PDSS2: variants seen among roughly 807,000 people sequenced by gnomAD.
PDSS2 encodes all trans-polyprenyl-diphosphate synthase PDSS2.
Under a neutral mutation model 44.5 loss-of-function variants are expected in PDSS2, and 31 were observed. That is an observed-to-expected ratio of 0.70 (90% CI 0.52 to 0.94). The LOEUF is 0.94. Among genes scored for constraint, PDSS2 ranks in the 40% least tolerant of loss-of-function variants. The probability of loss-of-function intolerance (pLI) is 0.00; values close to 1 mark genes in which losing one functional copy is unlikely to be tolerated. For missense variants in PDSS2, 452 were observed against 482.2 expected (o/e 0.94, Z 0.59); for synonymous variants, 157 against 180.3 (o/e 0.87, Z 1.03).
intron 2 of PDSS2, among the ~76,000 whole-genome samples, chr6:107,306,055 G>A (rs1280977873): frequency 6.6e-6 from 1 of 152,170 alleles, no homozygotes; most frequent in African/African-American, 2.4e-5. Context: ...TACCCAAAGA[G>A]GACAAGTACC....
chr6:107,358,998 A>ATTCTCGCTC, intron 1 of PDSS2, among the ~76,000 whole-genome samples: 1 of 139,836 alleles, frequency 7.2e-6, no homozygotes, highest in Admixed American at 7.6e-5. Context: ...GAGCTTTAGC[A>ATTCTCGCTC]TTCTCGCTCT....
intron 1 of PDSS2, among the ~76,000 whole-genome samples, chr6:107,424,898 T>C (rs1200289944): frequency 6.6e-6 from 1 of 152,208 alleles, no homozygotes; most frequent in African/African-American, 2.4e-5. Context: ...TCATCTTGAA[T>C]TGTAATTCCC....
At chr6:107,289,420 G>A (rs1776272210) in intron 2 of PDSS2, among the ~76,000 whole-genome samples, 1 of 150,860 alleles carries the variant, frequency 6.6e-6, no homozygotes, top group Non-Finnish European at 1.5e-5. Context: ...GCCAGGTGCA[G>A]TGGCTCATGC....
chr6:107,350,575 G>A (rs1778401021), intron 1 of PDSS2, among the ~76,000 whole-genome samples: 1 of 152,198 alleles, frequency 6.6e-6, no homozygotes, highest in African/African-American at 2.4e-5. Flanking sequence ...ACTTTGGGAG[G>A]CTGAGGGAGA....
At chr6:107,401,782 A>G (rs1182861281) in intron 1 of PDSS2, among the ~76,000 whole-genome samples, 1 of 152,102 alleles carries the variant, frequency 6.6e-6, no homozygotes, top group Admixed American at 6.5e-5. Context: ...TAGACTAAGC[A>G]GGTGAAAGAA....
intron 2 of PDSS2, among the ~76,000 whole-genome samples, chr6:107,299,893 G>C (rs1020554863): frequency 2.0e-5 from 3 of 152,124 alleles, no homozygotes; most frequent in African/African-American, 4.8e-5. Context: ...TGGAGTTCAA[G>C]ATCAGGCAAG....
At chr6:107,165,706 T>G (rs1395116057) in intron 7 of PDSS2, among the ~76,000 whole-genome samples, 3 of 151,894 alleles carry the variant, frequency 2.0e-5, no homozygotes, top group Admixed American at 6.6e-5. Context: ...GTGAAGAAAG[T>G]CATTGGTAGC....
rs769607747 is a variant in PDSS2 at position 107,334,307 on chromosome 6, T to C, written c.322A>G (p.Ser108Gly). 3 of 1,613,544 alleles carry C rather than the reference T, an allele frequency of 1.9e-6. No individual in the cohort carries two copies. In the South Asian group the frequency reaches 3.3e-5, roughly 18 times the overall value. Reference sequence around the variant, plus strand: ...ACCACCAAGCCCCTCAACTGGAGGCTATTCCAGCTGTCATGTACAAGCCCC... The same window carrying C: ...ACCACCAAGCCCCTCAACTGGAGGCCATTCCAGCTGTCATGTACAAGCCCC... ...ARGLVHDSWN[S>G]LQLRGLVVLL... Residue 108 changes from serine to glycine, a missense_variant, in exon 2 of 8, where the codon AGC becomes GGC. By Grantham distance (56) the Ser-to-Gly change is moderately conservative. Coordinates refer to ENST00000369037, the MANE Select transcript of PDSS2 (RefSeq NM_020381.4).
At position 107,429,899 on chromosome 6, in the gene PDSS2, AAAATATATATATATATATAT is replaced by A. The variant is rs1346001895; in HGVS notation, c.296+29071_296+29090del. On this transcript the variant is annotated intron_variant, in intron 1 of 7. Transcript: ENST00000369037. The stretch of plus-strand genomic sequence containing the variant: ...AACTTAGTCTCAAAAAAAAAAAAAA[AAAATATATATATATATATAT>A]ATATATATATATATATATACACCAA... 1.4e-4 allele frequency among the ~76,000 whole-genome samples: 6 copies of A among 41,418 alleles called. No homozygotes were observed. The South Asian group carries it at 4.7e-3, about 32-fold the overall frequency. The allele number at this position is 41,418 out of a possible 152,430, so 27.2% of individuals were successfully genotyped here. A position where few individuals can be genotyped will look rare whatever the true frequency, so the allele number is the denominator to read the frequency against.
intron 4 of PDSS2, among the ~76,000 whole-genome samples, chr6:107,214,441 T>A (rs186704844): frequency 4.5e-4 from 69 of 152,278 alleles, no homozygotes; most frequent in African/African-American, 1.6e-3. Context: ...ATTTTATACT[T>A]ACAACACCTC....
intron 1 of PDSS2, among the ~76,000 whole-genome samples, chr6:107,454,395 T>C (rs954831222): frequency 1.3e-5 from 2 of 152,128 alleles, no homozygotes; most frequent in African/African-American, 4.8e-5. Context: ...ATTTAATTAA[T>C]TATTTATCTA....
chr6:107,429,901 AATATATATATATATATATAT>A (rs869061691), intron 1 of PDSS2, among the ~76,000 whole-genome samples: 3 of 31,858 alleles, frequency 9.4e-5, no homozygotes, highest in African/African-American at 2.5e-4. Context: ...AAAAAAAAAA[AATATATATATATATATATAT>A]ATATATATAT....
At chr6:107,444,141 C>T (rs1456468104) in intron 1 of PDSS2, among the ~76,000 whole-genome samples, 2 of 152,126 alleles carry the variant, frequency 1.3e-5, no homozygotes, top group African/African-American at 2.4e-5. Context: ...GATCCTCTCT[C>T]TTCAGCCTTC....
chr6:107,217,964 C>A (rs945408863), intron 4 of PDSS2, among the ~76,000 whole-genome samples: 3 of 152,202 alleles, frequency 2.0e-5, no homozygotes, highest in African/African-American at 7.2e-5. Flanking sequence ...CTTGCTGCAA[C>A]TCTAAGACTA....
intron 2 of PDSS2, among the ~76,000 whole-genome samples, chr6:107,285,370 C>T (rs566475476): frequency 1.3e-5 from 2 of 152,048 alleles, no homozygotes; most frequent in East Asian, 1.9e-4. Context: ...TATGGCTGGG[C>T]GTGGAGGCTC....
intron 1 of PDSS2, among the ~76,000 whole-genome samples, chr6:107,355,210 C>A (rs376292441): frequency 3.3e-5 from 5 of 152,146 alleles, no homozygotes; most frequent in African/African-American, 1.2e-4. Context: ...TGAGCCATCA[C>A]GCCCGGCCCT....
At chr6:107,376,142 C>T (rs1182284054) in intron 1 of PDSS2, among the ~76,000 whole-genome samples, 1 of 152,070 alleles carries the variant, frequency 6.6e-6, no homozygotes, top group East Asian at 1.9e-4. Flanking sequence ...GGTACCAGTA[C>T]CATGCTGTTT....
intron 3 of PDSS2, among the ~76,000 whole-genome samples, chr6:107,265,751 G>C (rs1159972097): frequency 6.6e-6 from 1 of 152,162 alleles, no homozygotes; most frequent in Non-Finnish European, 1.5e-5. Context: ...AGACCAGGCT[G>C]CCCAACATGG....
At chr6:107,273,885 ATT>A in intron 3 of PDSS2, 142 bp downstream of exon 3, 2 of 705,908 alleles carry the variant, frequency 2.8e-6, no homozygotes, top group Non-Finnish European at 5.1e-6. Flanking sequence ...CACTGCCATC[ATT>A]ATGTTCATCA....
Sources: allele counts gnomAD v4.1 joint callset (sites outside exome capture counted in the v4.1 genomes callset), GRCh38; gene constraint gnomAD v4.1.1; transcripts MANE v1.5; gene names NCBI Gene and HGNC (gene_info 2026-07-23, HGNC 2026-07-21).